PGM5: variants seen among roughly 807,000 people sequenced by gnomAD.
PGM5 encodes phosphoglucomutase 5.
A neutral mutation model predicts 59.2 loss-of-function variants in PGM5; 23 were observed. That is an observed-to-expected ratio of 0.39 (90% CI 0.28 to 0.55). The LOEUF (loss-of-function observed/expected upper bound fraction) is 0.55, where lower values mean the gene tolerates loss of function less well. Ranked by LOEUF, PGM5 falls within the 20% of genes least tolerant of loss-of-function variation. PGM5 has a pLI of 0.66. For missense variants in PGM5, 574 were observed against 748.3 expected (o/e 0.77, Z 2.72); for synonymous variants, 214 against 286.0 (o/e 0.75, Z 2.54).
At chr9:68,383,049 T>C (rs1296747314) in intron 2 of PGM5, among the ~76,000 whole-genome samples, 12 of 151,838 alleles carry the variant, frequency 7.9e-5, no homozygotes, top group Non-Finnish European at 1.6e-4. Flanking sequence ...TAAAAAATGG[T>C]AAGGAGTGAA....
rs78570776 is a variant in PGM5, at chr9:68,528,738, T to C, written c.1615-829T>C. ...ACTATCTTGGTTAAATTGTTAAAGA[T>C]TGGCAGCAAACAGAGTTTCTCCTTG... On this transcript the variant is annotated intron_variant, in intron 10 of 10. Coordinates refer to ENST00000396396, the MANE Select transcript of PGM5 (RefSeq NM_021965.4). 7.7e-3 allele frequency among the ~76,000 whole-genome samples: 1,167 copies of C among 152,298 alleles called. 14 individuals are homozygous for C. Among genetic ancestry groups the C allele is most frequent in the African/African-American group, 0.027 (1,114 of 41,572 alleles).
intron 6 of PGM5, among the ~76,000 whole-genome samples, chr9:68,431,715 T>G (rs1823352672): frequency 6.6e-6 from 1 of 152,200 alleles, no homozygotes; most frequent in Admixed American, 6.5e-5. Context: ...TATTCCATCT[T>G]ATAAGGATGG....
At chr9:68,363,821 A>G (rs1470428606) in intron 1 of PGM5, among the ~76,000 whole-genome samples, 1 of 152,192 alleles carries the variant, frequency 6.6e-6, no homozygotes, top group African/African-American at 2.4e-5. Context: ...TCCTCATCTA[A>G]AAATCAGGTA....
chr9:68,490,139 C>T (rs1198596975), intron 9 of PGM5, among the ~76,000 whole-genome samples: 2 of 152,130 alleles, frequency 1.3e-5, no homozygotes, highest in Non-Finnish European at 2.9e-5. Context: ...TTATTTCCAG[C>T]ATGTGGTGTT....
chr9:68,522,874 C>A (rs1301981174), intron 10 of PGM5, among the ~76,000 whole-genome samples: 2 of 152,146 alleles, frequency 1.3e-5, no homozygotes, highest in Non-Finnish European at 2.9e-5. Flanking sequence ...TTTCCTTCTG[C>A]TCTCTTTAAT....
At chr9:68,408,911 C>A (rs1260346260) in intron 6 of PGM5, among the ~76,000 whole-genome samples, 1 of 151,968 alleles carries the variant, frequency 6.6e-6, no homozygotes, top group Non-Finnish European at 1.5e-5. Context: ...TTTCTGAGGG[C>A]TCTGTTCTGT....
intron 10 of PGM5, among the ~76,000 whole-genome samples, chr9:68,502,438 C>T (rs1390488784): frequency 6.6e-6 from 1 of 152,130 alleles, no homozygotes; most frequent in Non-Finnish European, 1.5e-5. Flanking sequence ...TGACCTTCTT[C>T]CCTTGTCCCT....
chr9:68,378,644 G>C (rs1486879179), intron 2 of PGM5, among the ~76,000 whole-genome samples: 4 of 152,164 alleles, frequency 2.6e-5, no homozygotes, highest in African/African-American at 9.7e-5. Flanking sequence ...AACATACCCT[G>C]AAGGTCGTTG....
chr9:68,401,340 G>A (rs1422510094), intron 6 of PGM5, among the ~76,000 whole-genome samples: 19 of 150,836 alleles, frequency 1.3e-4, no homozygotes, highest in African/African-American at 4.6e-4. Flanking sequence ...CATGAGAACT[G>A]AAAGACGAAC....
intron 9 of PGM5, among the ~76,000 whole-genome samples, chr9:68,492,197 G>A (rs1554687914): frequency 2.6e-5 from 4 of 152,178 alleles, no homozygotes. Context: ...TGGGTAAAGT[G>A]TGCCTGAATC....
chr9:68,392,769 A>G (rs1430842497), intron 6 of PGM5, among the ~76,000 whole-genome samples: 2 of 152,126 alleles, frequency 1.3e-5, no homozygotes, highest in Non-Finnish European at 2.9e-5. Context: ...GTCATGAAGT[A>G]CAAATGAGGT....
intron 7 of PGM5, among the ~76,000 whole-genome samples, chr9:68,474,096 A>G (rs1358387847): frequency 6.6e-6 from 1 of 152,150 alleles, no homozygotes; most frequent in Non-Finnish European, 1.5e-5. Flanking sequence ...AGGAGTTTTT[A>G]AAAAAGAAAT....
rs782404563 is a variant in PGM5, at chr9:68,384,410, A to T, written c.437A>T (p.Asp146Val). Residue 146 changes from aspartate to valine, a missense_variant, in exon 3 of 11, where the codon GAT (aspartate) becomes GTT (valine). Physicochemically the swap from Asp to Val is radical, Grantham distance 152. Coordinates refer to ENST00000396396, the MANE Select transcript of PGM5 (RefSeq NM_021965.4). The stretch of plus-strand genomic sequence containing the variant: ...GTTCACATTTTAGGTCCTGCACCCG[A>T]TGTTGTCTCAGACAAAATCTACCAA... ...FNVANGGPAP[D>V]VVSDKIYQIS... 1 of 1,605,936 alleles carries T rather than the reference A, an allele frequency of 6.2e-7. No individual in the cohort carries two copies. Among genetic ancestry groups the T allele is most frequent in the Non-Finnish European group, 8.5e-7 (1 of 1,174,322 alleles).
At chr9:68,397,567 C>G (rs1822542653) in intron 6 of PGM5, 2 of 152,230 alleles carry the variant, frequency 1.3e-5, no homozygotes, top group Non-Finnish European at 2.9e-5. Context: ...TATGGTTCAC[C>G]ATTTATCCAC....
intron 9 of PGM5, among the ~76,000 whole-genome samples, chr9:68,493,725 G>A (rs183910769): frequency 6.6e-6 from 1 of 152,322 alleles, no homozygotes; most frequent in Admixed American, 6.5e-5. Context: ...AAGTGGCCAA[G>A]CCAGCATTCT....
chr9:68,360,097 G>A (rs1834549079), intron 1 of PGM5, among the ~76,000 whole-genome samples: 1 of 151,952 alleles, frequency 6.6e-6, no homozygotes, highest in African/African-American at 2.4e-5. Context: ...TGCCTGCCTT[G>A]GCCTCCTAAA....
chr9:68,408,209 T>A (rs1159059974), intron 6 of PGM5, among the ~76,000 whole-genome samples: 1 of 151,990 alleles, frequency 6.6e-6, no homozygotes, highest in Non-Finnish European at 1.5e-5. Context: ...TTGGATAAGG[T>A]CGTTTGGATT....
intron 3 of PGM5, among the ~76,000 whole-genome samples, chr9:68,386,425 G>A (rs1410720296): frequency 1.3e-5 from 2 of 152,122 alleles, no homozygotes; most frequent in Admixed American, 6.6e-5. Context: ...ATTGACTTAA[G>A]TGTAAGAAAA....
At chr9:68,438,826 C>CT (rs1554683509) in intron 6 of PGM5, among the ~76,000 whole-genome samples, 1 of 152,126 alleles carries the variant, frequency 6.6e-6, no homozygotes, top group Non-Finnish European at 1.5e-5. Context: ...GAGAGAGTCT[C>CT]TGTGTGTATG....
Sources: allele counts gnomAD v4.1 joint callset (sites outside exome capture counted in the v4.1 genomes callset), GRCh38; gene constraint gnomAD v4.1.1; transcripts MANE v1.5; gene names NCBI Gene and HGNC (gene_info 2026-07-23, HGNC 2026-07-21).